The following LRRK2 variants were observed in gnomAD, a reference collection of about 807,000 sequenced individuals.
LRRK2 encodes the protein leucine rich repeat kinase 2, also known as leucine-rich repeat serine/threonine-protein kinase 2.
LRRK2 carries 203 observed loss-of-function variants against 302.6 expected under a neutral mutation model. The observed-to-expected ratio is 0.67, with a 90% CI of 0.60 to 0.75. The LOEUF (loss-of-function observed/expected upper bound fraction) is 0.75. Among genes scored for constraint, LRRK2 ranks in the 30% least tolerant of loss-of-function variants. LRRK2 has a pLI of 0.00. For synonymous variants in LRRK2, 1,066 were observed against 1,031.9 expected (o/e 1.03, Z -0.63); for missense variants, 2,830 against 2,951.0 (o/e 0.96, Z 0.95).
At chr12:40,258,618 G>GTA (rs1942627778) in intron 12 of LRRK2, among the ~76,000 whole-genome samples, 1 of 152,150 alleles carries the variant, frequency 6.6e-6, no homozygotes, top group Non-Finnish European at 1.5e-5. Context: ...CAGAACTCAT[G>GTA]TGAGTCGAGA....
intron 12 of LRRK2, 107 bp from the exon 13 acceptor site, chr12:40,259,373 C>T: frequency 7.3e-7 from 1 of 1,376,108 alleles, no homozygotes; most frequent in Non-Finnish European, 1.0e-6. Flanking sequence ...TATAGTCTTT[C>T]CTGATAAAAT....
In LRRK2 at chr12:40,278,172, G is replaced by C; in HGVS notation, c.2152G>C (p.Asp718His). The C allele has an allele frequency of 6.2e-7, 1 of 1,614,068 alleles. No individual in the cohort carries two copies. Among genetic ancestry groups the C allele is most frequent in the Non-Finnish European group, 8.5e-7 (1 of 1,179,970 alleles). ...LKNVMLERAC[D>H]QNNSIMVECL... is the part of the protein sequence containing the mutation. Reference sequence around the variant, plus strand: ...AAATGTGATGCTAGAGAGAGCGTGTGATCAGAATAACAGCATCATGGTTGA... The same window carrying C: ...AAATGTGATGCTAGAGAGAGCGTGTCATCAGAATAACAGCATCATGGTTGA... The change falls in exon 18 of 51, where the codon GAT (aspartate) becomes CAT (histidine). Residue 718 changes from aspartate to histidine, a missense_variant. This residue lies in a region of LRRK2 where 2,121 missense variants were observed against 2,148.0 expected (regional missense o/e 0.99). Coordinates refer to ENST00000298910, the MANE Select transcript of LRRK2 (RefSeq NM_198578.4).
At chr12:40,315,499 C>T (rs995720687) in intron 33 of LRRK2, among the ~76,000 whole-genome samples, 199 bp downstream of exon 33, 12 of 152,012 alleles carry the variant, frequency 7.9e-5, no homozygotes, top group Admixed American at 4.6e-4. Flanking sequence ...AGTTCACTTC[C>T]ATGACTTGGT....
intron 31 of LRRK2, among the ~76,000 whole-genome samples, chr12:40,313,644 C>CT (rs1945107395): frequency 1.3e-5 from 2 of 151,586 alleles, no homozygotes; most frequent in South Asian, 4.2e-4. Flanking sequence ...AGTTTAATGT[C>CT]TTAGGATATA....
Position 40,253,022 on chromosome 12 carries a change from C to A in LRRK2, c.1288+6C>A. ...AACTCTCTTAGAACAAAATGGTAAG[C>A]AGTGGGCCATGTTTTCAAATAAAGG... On this transcript the variant is annotated splice_donor_region_variant and intron_variant, in intron 11 of 50. Coordinates refer to ENST00000298910, the MANE Select transcript of LRRK2 (RefSeq NM_198578.4). 1.3e-6 allele frequency: 2 copies of A among 1,576,678 alleles called. No individual in the cohort carries two copies. The highest frequency in any genetic ancestry group is 1.7e-6 in the Non-Finnish European group (2 of 1,146,408).
chr12:40,261,275 G>T (rs745452628), intron 13 of LRRK2, among the ~76,000 whole-genome samples: 17 of 152,050 alleles, frequency 1.1e-4, no homozygotes, highest in Non-Finnish European at 1.8e-4. Flanking sequence ...GAGGTTTTGG[G>T]TTTTAAAGAT....
Position 40,359,419 on chromosome 12 carries a change from C to T in LRRK2, c.7003C>T (p.Leu2335Phe). ...TTCTAATGATTTCACCATTCAGAAA[C>T]TCATTGAGACAAGAACAAGCCAACT... ...SFSNDFTIQK[L>F]IETRTSQLFS... Residue 2335 changes from leucine to phenylalanine, a missense_variant, in exon 47 of 51, where the codon CTC becomes TTC. This residue lies in a region of LRRK2 where 456 missense variants were observed against 456.3 expected (regional missense o/e 1.00). Transcript: ENST00000298910. The T allele has an allele frequency of 1.2e-6, 2 of 1,613,198 alleles. No individual in the cohort carries two copies. The highest frequency in any genetic ancestry group is 1.3e-5 in the African/African-American group (1 of 75,006).
At chr12:40,329,137 A>G (rs1945636509) in intron 39 of LRRK2, among the ~76,000 whole-genome samples, 1 of 152,196 alleles carries the variant, frequency 6.6e-6, no homozygotes, top group African/African-American at 2.4e-5. Context: ...TATCCACTTT[A>G]ATAAGAACTG....
At chr12:40,281,064 T>A (rs1943673522) in intron 18 of LRRK2, among the ~76,000 whole-genome samples, 1 of 98,288 alleles carries the variant, frequency 1.0e-5, no homozygotes, top group Admixed American at 1.0e-4. Flanking sequence ...TGAGACTCCG[T>A]CTCAAAAAAA....
chr12:40,367,699 T>C lies in LRRK2; in HGVS notation c.7518T>C (p.Asn2506=), dbSNP rs759728316. 13 of 1,604,016 alleles carry C rather than the reference T, an allele frequency of 8.1e-6. No individual in the cohort carries two copies. In the Middle Eastern group the frequency reaches 5.0e-4, roughly 62 times the overall value. The part of the protein sequence containing the change: ...WDINLPHEVQ[N]LEKHIEVRKE... ...TCAATCTTCCACATGAAGTGCAAAATTTAGAAAAACACATTGAAGTGAGAA... is the reference window on the plus strand; with the variant it reads ...TCAATCTTCCACATGAAGTGCAAAACTTAGAAAAACACATTGAAGTGAGAA... The change falls in exon 51 of 51, where the codon AAT becomes AAC. Residue 2506 remains asparagine, a synonymous_variant. Transcript: ENST00000298910.
intron 39 of LRRK2, 121 bp downstream of exon 39, chr12:40,328,581 T>C: frequency 2.7e-6 from 2 of 743,598 alleles, no homozygotes; most frequent in Admixed American, 2.6e-5. Flanking sequence ...AGTTTAATTA[T>C]GCAATCCTAG....
chr12:40,298,778 A>AATATATATATATATATATAT (rs113272586), intron 24 of LRRK2, among the ~76,000 whole-genome samples: 724 of 60,490 alleles, frequency 0.012, 24 homozygotes, highest in African/African-American at 0.022. Flanking sequence ...GTCTCAAAGA[A>AATATATATATATATATATAT]ATATATATAT....
intron 29 of LRRK2, 40 bp from the exon 30 acceptor site, chr12:40,309,066 T>C (rs751523974): frequency 3.7e-6 from 6 of 1,609,158 alleles, no homozygotes; most frequent in Admixed American, 3.3e-5. Flanking sequence ...TTGCCTGTCG[T>C]TTGAAAGATT....
chr12:40,266,800 C>G (rs1042967992), intron 14 of LRRK2, among the ~76,000 whole-genome samples: 5 of 152,060 alleles, frequency 3.3e-5, no homozygotes, highest in Non-Finnish European at 5.9e-5. Context: ...GGCACATATA[C>G]ACCATGGAAT....
At chr12:40,336,806 T>TA (rs1592307180) in intron 40 of LRRK2, among the ~76,000 whole-genome samples, 1 of 152,228 alleles carries the variant, frequency 6.6e-6, no homozygotes, top group East Asian at 1.9e-4. Flanking sequence ...AAGTGCAGAA[T>TA]AGTCTCCTGT....
intron 11 of LRRK2, among the ~76,000 whole-genome samples, chr12:40,256,461 C>CA (rs1239738250): frequency 2.0e-5 from 3 of 151,622 alleles, no homozygotes; most frequent in Non-Finnish European, 4.4e-5. Flanking sequence ...GAAACACCAA[C>CA]AAAAAAAGAG....
At chr12:40,236,335 A>G (rs1941464306) in intron 4 of LRRK2, among the ~76,000 whole-genome samples, 1 of 152,182 alleles carries the variant, frequency 6.6e-6, no homozygotes, top group Non-Finnish European at 1.5e-5. Flanking sequence ...CTAAGTGACA[A>G]ACACTGAAGT....
chr12:40,333,577 A>G (rs1247102750), intron 39 of LRRK2, among the ~76,000 whole-genome samples: 4 of 152,092 alleles, frequency 2.6e-5, no homozygotes, highest in Non-Finnish European at 5.9e-5. Flanking sequence ...GGTTGTTGCC[A>G]TTGGATCTTA....
At position 40,251,254 on chromosome 12, in the gene LRRK2, A is replaced by G; in HGVS notation, c.981A>G (p.Gln327=). ...AAGCTGAGACTATTTTCTTAAATCA[A>G]GATTTAGAGGAAAAGAATGAGAATC... ...ALLTETIFLN[Q]DLEEKNENQE... The change falls in exon 9 of 51, where the codon CAA becomes CAG. Residue 327 remains glutamine, a synonymous_variant. Coordinates refer to ENST00000298910, the MANE Select transcript of LRRK2 (RefSeq NM_198578.4). The G allele has an allele frequency of 1.2e-6, 2 of 1,601,808 alleles. No homozygotes were observed. Among genetic ancestry groups the G allele is most frequent in the South Asian group, 1.1e-5 (1 of 89,404 alleles).
Sources: gnomAD v4.1 joint callset for allele counts (sites outside exome capture counted in the v4.1 genomes callset) on GRCh38, gnomAD v4.1.1 for gene constraint, gnomAD v4.1.1 regional missense constraint, MANE v1.5 for transcripts, NCBI Gene and HGNC (gene_info 2026-07-23, HGNC 2026-07-21) for gene names.